ME3: variants seen among roughly 807,000 people sequenced by gnomAD.
ME3 encodes the protein NADP-dependent malic enzyme, mitochondrial.
Under a neutral mutation model 68.9 loss-of-function variants are expected in ME3, and 48 were observed. That is an observed-to-expected ratio of 0.70 (90% CI 0.55 to 0.89). The LOEUF (loss-of-function observed/expected upper bound fraction) is 0.89, where lower values mean the gene tolerates loss of function less well. Among genes scored for constraint, ME3 ranks in the 40% least tolerant of loss-of-function variants. The pLI, the probability that ME3 is intolerant of heterozygous loss-of-function variation, is 0.00. For missense variants in ME3, 675 were observed against 797.4 expected, an observed-to-expected ratio of 0.85 and a Z score of 1.85; for synonymous variants, 320 against 318.8, an observed-to-expected ratio of 1.00 and a Z score of -0.04.
intron 4 of ME3, among the ~76,000 whole-genome samples, chr11:86,511,748 A>G (rs1444172618): frequency 1.3e-5 from 2 of 152,190 alleles, no homozygotes; most frequent in Non-Finnish European, 2.9e-5. Flanking sequence ...CTCAACAGCC[A>G]TGTGGCTCGA....
intron 4 of ME3, among the ~76,000 whole-genome samples, chr11:86,513,905 G>A (rs1953711772): frequency 6.6e-6 from 1 of 152,100 alleles, no homozygotes; most frequent in Non-Finnish European, 1.5e-5. Flanking sequence ...AACTAGTGAT[G>A]GGGTTGGTTC....
chr11:86,508,446 T>G (rs1953246223), intron 5 of ME3, among the ~76,000 whole-genome samples: 1 of 152,212 alleles, frequency 6.6e-6, no homozygotes, highest in Non-Finnish European at 1.5e-5. Flanking sequence ...TTATTTTCCA[T>G]ATAACATGTC....
At chr11:86,567,362 T>G (rs1957546461) in intron 2 of ME3, among the ~76,000 whole-genome samples, 1 of 152,234 alleles carries the variant, frequency 6.6e-6, no homozygotes, top group Admixed American at 6.5e-5. Flanking sequence ...TGTAAAACTT[T>G]GAATACTGGG....
At chr11:86,446,575 C>G (rs1949311756) in intron 12 of ME3, 88 bp from the exon 13 acceptor site, 6 of 1,260,288 alleles carry the variant, frequency 4.8e-6, no homozygotes, top group Non-Finnish European at 5.6e-6. Flanking sequence ...AATGTTGGAC[C>G]CTTCTTCATC....
intron 2 of ME3, among the ~76,000 whole-genome samples, chr11:86,574,483 G>A (rs1957985228): frequency 6.6e-6 from 1 of 151,348 alleles, no homozygotes; most frequent in South Asian, 2.1e-4. Context: ...CTAACACTGA[G>A]GCCCCTCTTC....
chr11:86,599,828 A>AGAATT lies in ME3; in HGVS notation c.184-40010_184-40006dup, dbSNP rs1565194244. On this transcript the variant is annotated intron_variant, in intron 2 of 14. Transcript: ENST00000543262. ...TCTTAAAGAAAAGAATTTTCAACCC[A>AGAATT]GAATTTCATATCCAGCCAAACTAAG... 2.0e-5 allele frequency among the ~76,000 whole-genome samples: 3 copies of AGAATT among 152,330 alleles called. No individual in the cohort carries two copies. The East Asian group carries it at 5.8e-4, about 29-fold the overall frequency.
At chr11:86,654,881 T>A (rs974644641) in intron 2 of ME3, among the ~76,000 whole-genome samples, 1 of 152,292 alleles carries the variant, frequency 6.6e-6, no homozygotes, top group African/African-American at 2.4e-5. Context: ...CTTAAGCTGA[T>A]AAGCAACTTC....
chr11:86,464,295 A>G (rs546940883), intron 8 of ME3, among the ~76,000 whole-genome samples: 2 of 152,374 alleles, frequency 1.3e-5, no homozygotes, highest in East Asian at 1.9e-4. Flanking sequence ...ACAAAATGCT[A>G]GGAACAGCTC....
chr11:86,598,818 G>A (rs1033077259), intron 2 of ME3, among the ~76,000 whole-genome samples: 1 of 152,150 alleles, frequency 6.6e-6, no homozygotes, highest in African/African-American at 2.4e-5. Context: ...TGCAGACACC[G>A]CTGCTGATAC....
chr11:86,645,084 C>T (rs7103556), intron 2 of ME3, among the ~76,000 whole-genome samples: 13,603 of 152,252 alleles, frequency 0.089, 653 homozygotes, highest in Non-Finnish European at 0.11. Flanking sequence ...GAGATTCCCT[C>T]GGGTGCCTAC....
intron 2 of ME3, among the ~76,000 whole-genome samples, chr11:86,599,294 C>G (rs10898508): frequency 1.3e-5 from 2 of 152,014 alleles, no homozygotes; most frequent in South Asian, 4.2e-4. Context: ...TCGAGAACTA[C>G]GTGAAGAAGG....
intron 4 of ME3, among the ~76,000 whole-genome samples, chr11:86,534,081 G>GTGTGTATATATA (rs1361825219): frequency 3.9e-5 from 5 of 127,504 alleles, no homozygotes; most frequent in Admixed American, 3.1e-4. Flanking sequence ...GTGTGTGTGT[G>GTGTGTATATATA]TATATATATA....
chr11:86,501,204 C>T (rs867562007), intron 5 of ME3, among the ~76,000 whole-genome samples: 1 of 99,754 alleles, frequency 1.0e-5, no homozygotes, highest in Non-Finnish European at 2.4e-5. Flanking sequence ...ATACTTAACT[C>T]CTCAGGTTGT....
intron 2 of ME3, among the ~76,000 whole-genome samples, chr11:86,603,117 G>C (rs568322927): frequency 6.6e-6 from 1 of 152,218 alleles, no homozygotes; most frequent in South Asian, 2.1e-4. Flanking sequence ...TTAAACTAAA[G>C]AGCTTCAGCA....
chr11:86,500,120 G>A lies in ME3; in HGVS notation c.544-1996C>T, dbSNP rs1952619789. Among the ~76,000 whole-genome samples, 5 of 152,204 alleles carry A rather than the reference G, an allele frequency of 3.3e-5. 1 individual carries two copies. In the South Asian group the frequency reaches 1.0e-3, roughly 32 times the overall value. On this transcript the variant is annotated intron_variant, in intron 5 of 14. Transcript: ENST00000543262. ...TGACCTCCTCTTGGTAGATCTCCCT[G>A]TTAGAGACTATGCCCTCATGCTGCC...
At chr11:86,450,488 T>C in intron 8 of ME3, 90 bp from the exon 9 acceptor site, 2 of 1,091,618 alleles carry the variant, frequency 1.8e-6, no homozygotes, top group Non-Finnish European at 2.7e-6. Context: ...CATCTGGGAC[T>C]GTGGAGGAAC....
chr11:86,550,060 T>C (rs1319913192), intron 4 of ME3, among the ~76,000 whole-genome samples: 1 of 152,152 alleles, frequency 6.6e-6, no homozygotes, highest in East Asian at 1.9e-4. Context: ...GGCTGCCCAT[T>C]AGAGTCCTCT....
chr11:86,473,517 A>T (rs1950896705), intron 7 of ME3, among the ~76,000 whole-genome samples: 1 of 152,110 alleles, frequency 6.6e-6, no homozygotes, highest in African/African-American at 2.4e-5. Flanking sequence ...TACATATGAG[A>T]TACAGGAGTC....
chr11:86,534,066 G>GGTGTGT lies in ME3; in HGVS notation c.467+22481_467+22486dup, dbSNP rs747610946. Among the ~76,000 whole-genome samples, 3 of 48,968 alleles carry GGTGTGT rather than the reference G, an allele frequency of 6.1e-5. 1 individual carries two copies. Among genetic ancestry groups the GGTGTGT allele is most frequent in the African/African-American group, 1.8e-4 (3 of 16,914 alleles). The allele number at this position is 48,968 out of a possible 152,430, so 32.1% of individuals were successfully genotyped here. On this transcript the variant is annotated intron_variant, in intron 4 of 14. Coordinates refer to ENST00000543262, the Ensembl canonical transcript of ME3. ...CATTAAAAAAGTATGGTAAAAATGA[G>GGTGTGT]GTGTGTGTGTGTGTGTATATATATA...
Sources: allele counts gnomAD v4.1 joint callset (sites outside exome capture counted in the v4.1 genomes callset), GRCh38; gene constraint gnomAD v4.1.1; transcripts MANE v1.5; gene names NCBI Gene and HGNC (gene_info 2026-07-23, HGNC 2026-07-21).